Variants in PAPPA2 observed in about 807,000 individuals in gnomAD.
PAPPA2 encodes pappalysin 2.
PAPPA2 carries 86 observed loss-of-function variants against 176.4 expected under a neutral mutation model. That is an observed-to-expected ratio of 0.49 (90% CI 0.41 to 0.58). The LOEUF is 0.58. PAPPA2 is among the 20% of genes least tolerant of loss of function. PAPPA2 has a pLI of 0.00. For missense variants in PAPPA2, 2,073 were observed against 2,256.9 expected (o/e 0.92, Z 1.65); for synonymous variants, 809 against 852.2 (o/e 0.95, Z 0.88).
At chr1:176,508,113 A>G (rs1044365751) in intron 1 of PAPPA2, among the ~76,000 whole-genome samples, 3 of 152,174 alleles carry the variant, frequency 2.0e-5, no homozygotes, top group Non-Finnish European at 4.4e-5. Context: ...ACAATCTTCA[A>G]AAAGATCAAG....
chr1:176,651,469 A>T (rs985675842), intron 3 of PAPPA2, among the ~76,000 whole-genome samples: 1 of 151,608 alleles, frequency 6.6e-6, no homozygotes, highest in African/African-American at 2.4e-5. Context: ...TGATCTGTAT[A>T]GTTTCCATAG....
intron 21 of PAPPA2, 71 bp downstream of exon 21, chr1:176,800,203 C>A: frequency 2.0e-6 from 3 of 1,496,884 alleles, no homozygotes; most frequent in South Asian, 1.1e-5. Context: ...AGCTTGAATC[C>A]TTCTAATTTA....
At chr1:176,693,748 G>A (rs1275087371) in intron 6 of PAPPA2, among the ~76,000 whole-genome samples, 2 of 152,062 alleles carry the variant, frequency 1.3e-5, no homozygotes, top group African/African-American at 4.8e-5. Flanking sequence ...AACCCTTTTG[G>A]GCTCTGTTTG....
At chr1:176,770,137 C>G (rs567676909) in intron 16 of PAPPA2, among the ~76,000 whole-genome samples, 1 of 152,122 alleles carries the variant, frequency 6.6e-6, no homozygotes, top group Non-Finnish European at 1.5e-5. Context: ...TTACAGCCAT[C>G]CTTTGAGCAA....
chr1:176,497,101 G>T (rs1201677810), intron 1 of PAPPA2, among the ~76,000 whole-genome samples: 1 of 152,042 alleles, frequency 6.6e-6, no homozygotes, highest in Non-Finnish European at 1.5e-5. Context: ...GAAATATTGT[G>T]TTGCTTTGGC....
At chr1:176,465,580 AC>A (rs1410656216) in intron 1 of PAPPA2, among the ~76,000 whole-genome samples, 2 of 151,400 alleles carry the variant, frequency 1.3e-5, no homozygotes, top group African/African-American at 2.4e-5. Flanking sequence ...ATACAAAGTT[AC>A]CTTTTTTATT....
chr1:176,598,829 C>T (rs575380095), intron 3 of PAPPA2, among the ~76,000 whole-genome samples: 1 of 152,242 alleles, frequency 6.6e-6, no homozygotes, highest in South Asian at 2.1e-4. Context: ...CAGTTGTCAT[C>T]CTGGGACTTC....
intron 1 of PAPPA2, among the ~76,000 whole-genome samples, chr1:176,471,185 A>C (rs922850631): frequency 1.3e-5 from 2 of 152,146 alleles, no homozygotes; most frequent in African/African-American, 4.8e-5. Flanking sequence ...ATTACGGTGG[A>C]TTCTGAGCTT....
At chr1:176,645,561 A>G (rs922806796) in intron 3 of PAPPA2, among the ~76,000 whole-genome samples, 1 of 151,768 alleles carries the variant, frequency 6.6e-6, no homozygotes, top group Non-Finnish European at 1.5e-5. Context: ...ATGGGAGTGT[A>G]AATATCTCTT....
intron 1 of PAPPA2, among the ~76,000 whole-genome samples, chr1:176,469,870 C>G (rs1651793804): frequency 6.6e-6 from 1 of 152,164 alleles, no homozygotes; most frequent in Non-Finnish European, 1.5e-5. Context: ...GAGCTCTTTG[C>G]TCACTCTAAC....
chr1:176,771,589 T>A (rs1664227672), intron 17 of PAPPA2, among the ~76,000 whole-genome samples: 1 of 152,330 alleles, frequency 6.6e-6, no homozygotes, highest in East Asian at 1.9e-4. Flanking sequence ...AAAAAGGAGA[T>A]GATGATTAAA....
At chr1:176,493,753 C>T (rs1156949820) in intron 1 of PAPPA2, among the ~76,000 whole-genome samples, 2 of 152,162 alleles carry the variant, frequency 1.3e-5, no homozygotes, top group Non-Finnish European at 2.9e-5. Flanking sequence ...TAGGTTATGT[C>T]ATCCACAAGG....
chr1:176,473,922 G>T (rs1048779239), intron 1 of PAPPA2, among the ~76,000 whole-genome samples: 1 of 152,156 alleles, frequency 6.6e-6, no homozygotes, highest in Non-Finnish European at 1.5e-5. Context: ...CTTAGGATCA[G>T]AGTGGTAAGT....
intron 2 of PAPPA2, among the ~76,000 whole-genome samples, chr1:176,562,720 C>T (rs186985544): frequency 2.8e-3 from 426 of 152,306 alleles, no homozygotes; most frequent in Admixed American, 8.4e-3. Context: ...GTGATGAGTA[C>T]GAGTTGCACG....
chr1:176,559,649 C>T (rs1651541042), intron 2 of PAPPA2, among the ~76,000 whole-genome samples: 1 of 152,210 alleles, frequency 6.6e-6, no homozygotes, highest in East Asian at 1.9e-4. Context: ...ACAGCACTCG[C>T]CCCTGAGCTG....
rs143661084 is a variant in PAPPA2 at position 176,684,973 on chromosome 1, C to T, written c.2138-5164C>T. On this transcript the variant is annotated intron_variant, in intron 4 of 22. Coordinates refer to ENST00000367662, the MANE Select transcript of PAPPA2 (RefSeq NM_020318.3). ...GAAAAACATGAAGACAAAGCATGAG[C>T]GACTTAGAGGAAAATCAGAGCTCCT... Among the ~76,000 whole-genome samples the T allele has an allele frequency of 2.9e-3, 444 of 152,176 alleles. 2 individuals carry two copies. The highest frequency in any genetic ancestry group is 0.01 in the Middle Eastern group (3 of 294).
intron 12 of PAPPA2, among the ~76,000 whole-genome samples, chr1:176,714,823 G>A (rs2102840049): frequency 6.6e-6 from 1 of 152,224 alleles, no homozygotes; most frequent in East Asian, 1.9e-4. Context: ...CACCATGTTG[G>A]CACTATTAAT....
At chr1:176,614,456 C>T (rs1379374637) in intron 3 of PAPPA2, among the ~76,000 whole-genome samples, 1 of 152,150 alleles carries the variant, frequency 6.6e-6, no homozygotes, top group Non-Finnish European at 1.5e-5. Flanking sequence ...AAAAGTTGGC[C>T]AGGAACTAAG....
Position 176,670,969 on chromosome 1 carries a change from G to C in PAPPA2, c.1992-1G>C. On this transcript the variant is annotated splice_acceptor_variant, in intron 3 of 22. Coordinates refer to ENST00000367662, the MANE Select transcript of PAPPA2 (RefSeq NM_020318.3). LOFTEE classifies it high-confidence loss of function. ...ATTTTTTCATCTTGCATGCTCTCTAGGGCATACATGAGTGTGAAGGAGCTG... is the reference window on the plus strand; with the variant it reads ...ATTTTTTCATCTTGCATGCTCTCTACGGCATACATGAGTGTGAAGGAGCTG... 6.2e-7 allele frequency: 1 copy of C among 1,613,604 alleles called. No individual in the cohort carries two copies. The highest frequency in any genetic ancestry group is 8.5e-7 in the Non-Finnish European group (1 of 1,179,742).
Sources: allele counts gnomAD v4.1 joint callset (sites outside exome capture counted in the v4.1 genomes callset), GRCh38; gene constraint gnomAD v4.1.1; transcripts MANE v1.5; gene names NCBI Gene and HGNC (gene_info 2026-07-23, HGNC 2026-07-21).